Variants in FBXL17 observed in about 807,000 individuals in gnomAD.
The protein encoded by FBXL17 is F-box/LRR-repeat protein 17.
Under a neutral mutation model 66.2 loss-of-function variants are expected in FBXL17, and 22 were observed. The observed-to-expected ratio is 0.33, with a 90% CI of 0.24 to 0.47. FBXL17 has a LOEUF of 0.47. Among genes scored for constraint, FBXL17 ranks in the 20% least tolerant of loss-of-function variants. FBXL17 has a pLI of 1.00. For missense variants in FBXL17, 878 were observed against 948.2 expected, an observed-to-expected ratio of 0.93 and a Z score of 0.97; for synonymous variants, 474 against 400.5, an observed-to-expected ratio of 1.18 and a Z score of -2.19.
At chr5:108,128,342 T>C (rs576146031) in intron 6 of FBXL17, among the ~76,000 whole-genome samples, 8 of 152,314 alleles carry the variant, frequency 5.3e-5, no homozygotes, top group African/African-American at 1.4e-4. Flanking sequence ...GATTTCCATC[T>C]GTGATGGAGG....
chr5:108,321,797 A>T (rs566948962), intron 4 of FBXL17, among the ~76,000 whole-genome samples: 1 of 152,002 alleles, frequency 6.6e-6, no homozygotes, highest in South Asian at 2.1e-4. Flanking sequence ...AAGAAAAAAA[A>T]TTATAACTCC....
chr5:107,960,238 T>C (rs1215571650), intron 7 of FBXL17, among the ~76,000 whole-genome samples: 1 of 152,210 alleles, frequency 6.6e-6, no homozygotes, highest in Non-Finnish European at 1.5e-5. Flanking sequence ...TCTTTCTCTT[T>C]TTTTTAAGGT....
intron 6 of FBXL17, among the ~76,000 whole-genome samples, chr5:108,037,196 C>T (rs999414762): frequency 6.6e-6 from 1 of 152,054 alleles, no homozygotes; most frequent in Non-Finnish European, 1.5e-5. Context: ...AAAAAAACAA[C>T]AGAAGCTATA....
chr5:107,892,304 T>C (rs901108707), intron 7 of FBXL17, among the ~76,000 whole-genome samples: 3 of 151,670 alleles, frequency 2.0e-5, no homozygotes, highest in Non-Finnish European at 4.4e-5. Flanking sequence ...CAGAAAGGGG[T>C]CTTGTTTAAA....
intron 6 of FBXL17, among the ~76,000 whole-genome samples, chr5:108,140,966 T>A (rs917065008): frequency 4.6e-5 from 7 of 152,190 alleles, no homozygotes; most frequent in African/African-American, 1.7e-4. Context: ...AACACCTGAA[T>A]TGTCTCCCTC....
chr5:108,262,606 T>A (rs1271994146), intron 4 of FBXL17, among the ~76,000 whole-genome samples: 1 of 152,068 alleles, frequency 6.6e-6, no homozygotes, highest in African/African-American at 2.4e-5. Context: ...AGGAAGAGTG[T>A]AAAACTATAC....
Position 108,034,943 on chromosome 5 carries a change from TATA to T in FBXL17, c.1746-13945_1746-13943del, listed in dbSNP as rs1455578182. 3.3e-5 allele frequency among the ~76,000 whole-genome samples: 5 copies of T among 152,198 alleles called. No individual in the cohort carries two copies. The South Asian group carries it at 6.2e-4, about 19-fold the overall frequency. Reference sequence around the variant, plus strand: ...TAATTTATCTTCTCTCATTGTTCTTTATAATGTTTGGCATTTTGAAGCAATGAA... The same window carrying T: ...TAATTTATCTTCTCTCATTGTTCTTTATGTTTGGCATTTTGAAGCAATGAA... On this transcript the variant is annotated intron_variant, in intron 6 of 8. Coordinates refer to ENST00000542267, the MANE Select transcript of FBXL17 (RefSeq NM_001163315.3).
At chr5:108,009,515 G>A (rs1340811042) in intron 7 of FBXL17, among the ~76,000 whole-genome samples, 1 of 151,234 alleles carries the variant, frequency 6.6e-6, no homozygotes, top group Admixed American at 6.6e-5. Flanking sequence ...CAGAGGCACG[G>A]AGGCTGGATC....
Position 108,358,188 on chromosome 5 carries a change from T to C in FBXL17, c.1374+6550A>G, listed in dbSNP as rs570197696. ...CATTTTATTTCTTTTTCTTGCCAAATTGCTCCTTAGAACTTTCAGCACAAT... is the reference window on the plus strand; with the variant it reads ...CATTTTATTTCTTTTTCTTGCCAAACTGCTCCTTAGAACTTTCAGCACAAT... On this transcript the variant is annotated intron_variant, in intron 3 of 8. Coordinates refer to ENST00000542267, the MANE Select transcript of FBXL17 (RefSeq NM_001163315.3). Among the ~76,000 whole-genome samples the C allele has an allele frequency of 4.6e-5, 7 of 152,280 alleles. No homozygotes were observed. In the South Asian group the frequency reaches 1.2e-3, roughly 27 times the overall value.
chr5:107,972,677 C>T (rs1362039975), intron 7 of FBXL17, among the ~76,000 whole-genome samples: 1 of 152,086 alleles, frequency 6.6e-6, no homozygotes, highest in African/African-American at 2.4e-5. Flanking sequence ...TACTATAAGA[C>T]AGTTATTAAG....
intron 6 of FBXL17, among the ~76,000 whole-genome samples, chr5:108,079,000 C>A (rs1368899573): frequency 6.6e-6 from 1 of 152,014 alleles, no homozygotes; most frequent in Admixed American, 6.6e-5. Flanking sequence ...AATCTTCCAG[C>A]CTTGAACGAT....
intron 4 of FBXL17, among the ~76,000 whole-genome samples, chr5:108,244,907 C>G (rs571666690): frequency 9.2e-5 from 14 of 152,148 alleles, no homozygotes; most frequent in African/African-American, 2.6e-4. Flanking sequence ...ATCCAAATAA[C>G]TGTTTGATAC....
intron 6 of FBXL17, among the ~76,000 whole-genome samples, chr5:108,039,404 T>C (rs1746964446): frequency 6.6e-6 from 1 of 152,020 alleles, no homozygotes; most frequent in Non-Finnish European, 1.5e-5. Context: ...AAAGACAAAA[T>C]ATATCAACTA....
intron 7 of FBXL17, among the ~76,000 whole-genome samples, chr5:107,980,182 A>T (rs1752752793): frequency 6.6e-6 from 1 of 152,172 alleles, no homozygotes; most frequent in African/African-American, 2.4e-5. Context: ...GCAGAGAAAA[A>T]ACTACAGCTA....
At chr5:108,299,397 G>T (rs908814096) in intron 4 of FBXL17, 2 of 976,144 alleles carry the variant, frequency 2.0e-6, no homozygotes, top group African/African-American at 3.5e-5. Context: ...ATCAACACAA[G>T]CAAGTTTACA....
At chr5:108,282,260 A>G (rs1408981121) in intron 4 of FBXL17, among the ~76,000 whole-genome samples, 1 of 151,902 alleles carries the variant, frequency 6.6e-6, no homozygotes, top group Non-Finnish European at 1.5e-5. Context: ...ACACAGACAC[A>G]AAAATCCTCA....
chr5:108,348,088 CACAGACTT>C (rs1747395421), intron 4 of FBXL17, among the ~76,000 whole-genome samples: 1 of 152,086 alleles, frequency 6.6e-6, no homozygotes, highest in Non-Finnish European at 1.5e-5. Flanking sequence ...ACTACACAAC[CACAGACTT>C]ATGTTTGGCA....
chr5:108,369,516 A>T (rs1012930328), intron 1 of FBXL17, among the ~76,000 whole-genome samples: 9 of 152,330 alleles, frequency 5.9e-5, no homozygotes, highest in African/African-American at 2.2e-4. Flanking sequence ...TCAACACTGG[A>T]TAACGAATAT....
intron 7 of FBXL17, among the ~76,000 whole-genome samples, chr5:107,988,338 T>TGGG (rs1264520274): frequency 2.0e-5 from 3 of 151,862 alleles, no homozygotes; most frequent in Non-Finnish European, 4.4e-5. Context: ...TGGTCAACAC[T>TGGG]TTCCCTCCAC....
Sources: allele counts gnomAD v4.1 joint callset (sites outside exome capture counted in the v4.1 genomes callset), GRCh38; gene constraint gnomAD v4.1.1; transcripts MANE v1.5; gene names NCBI Gene and HGNC (gene_info 2026-07-23, HGNC 2026-07-21).